Variants in CUX2 observed in about 807,000 individuals in gnomAD.
CUX2 encodes cut like homeobox 2, also known as homeobox protein cut-like 2.
In CUX2, 40 loss-of-function variants were observed where a neutral mutation model predicts 144.8. That is an observed-to-expected ratio of 0.28 (90% CI 0.21 to 0.36). The LOEUF (loss-of-function observed/expected upper bound fraction) is 0.36, where lower values mean the gene tolerates loss of function less well. Ranked by LOEUF, CUX2 falls within the 10% of genes least tolerant of loss-of-function variation. The probability of loss-of-function intolerance (pLI) is 1.00; values close to 1 mark genes in which losing one functional copy is unlikely to be tolerated. For missense variants in CUX2, 1,615 were observed against 1,994.0 expected, an observed-to-expected ratio of 0.81 and a Z score of 3.62; for synonymous variants, 827 against 875.6, an observed-to-expected ratio of 0.94 and a Z score of 0.98.
intron 1 of CUX2, among the ~76,000 whole-genome samples, chr12:111,173,480 C>T (rs73415928): frequency 0.015 from 2,286 of 152,362 alleles, 51 homozygotes; most frequent in African/African-American, 0.051. Context: ...CTTCTAGGCA[C>T]GATGAGGTGC....
Position 111,310,673 on chromosome 12 carries a change from C to A in CUX2, c.1891C>A (p.Arg631=). Residue 631 remains arginine (R), a synonymous_variant, in exon 15 of 22, where the codon CGG becomes AGG. Transcript: ENST00000261726. The surrounding 1 kb of genome is among the most constrained non-coding windows in gnomAD (Gnocchi z 7.9). ...ACTGGCGCTCAGGACCATCCAAGTG[C>A]GGCAGCGAGGTGAGTGCCCAAGAGG... The part of the protein sequence containing the change: ...NVLALRTIQV[R]QRGSITPRIR... 6.3e-7 allele frequency: 1 copy of A among 1,585,448 alleles called. No individual in the cohort carries two copies. The highest frequency in any genetic ancestry group is 1.1e-5 in the South Asian group (1 of 89,100).
intron 4 of CUX2, among the ~76,000 whole-genome samples, chr12:111,290,717 G>A (rs547089548): frequency 6.6e-6 from 1 of 152,216 alleles, no homozygotes; most frequent in African/African-American, 2.4e-5. Flanking sequence ...ATAAGCCACT[G>A]CGCCCAGACT....
Position 111,287,348 on chromosome 12 carries a change from C to T in CUX2, c.302-4070C>T, listed in dbSNP as rs1018113887. Reference sequence around the variant, plus strand: ...AAGCCCTCCGTGGCCCTGCGCAGTCCGCGTGGCACCGCACCGTCTTGTGTT... The same window carrying T: ...AAGCCCTCCGTGGCCCTGCGCAGTCTGCGTGGCACCGCACCGTCTTGTGTT... On this transcript the variant is annotated intron_variant, in intron 4 of 21. Coordinates refer to ENST00000261726, the MANE Select transcript of CUX2 (RefSeq NM_015267.4). This position sits in a 1 kb window ranked among gnomAD's most constrained non-coding sequence, Gnocchi z 4.2. Among the ~76,000 whole-genome samples the T allele has an allele frequency of 4.0e-5, 6 of 150,082 alleles. No individual in the cohort carries two copies. Among genetic ancestry groups the T allele is most frequent in the African/African-American group, 1.4e-4 (6 of 41,444 alleles).
At chr12:111,176,915 A>C (rs1212902219) in intron 1 of CUX2, among the ~76,000 whole-genome samples, 1 of 152,146 alleles carries the variant, frequency 6.6e-6, no homozygotes, top group African/African-American at 2.4e-5. Flanking sequence ...TGGACTGGAA[A>C]ATTTCTCATT....
intron 3 of CUX2, among the ~76,000 whole-genome samples, chr12:111,231,895 CAA>C (rs1882481020): frequency 1.3e-5 from 2 of 151,714 alleles, no homozygotes; most frequent in African/African-American, 4.8e-5. Context: ...ATCATGAAGT[CAA>C]GAGATCATGA....
intron 3 of CUX2, among the ~76,000 whole-genome samples, chr12:111,261,150 C>T (rs767420424): frequency 1.3e-5 from 2 of 152,154 alleles, no homozygotes; most frequent in African/African-American, 4.8e-5. Context: ...ATTTGAATCC[C>T]CAGACCTGGT....
chr12:111,050,141 C>T (rs535175109), intron 1 of CUX2, among the ~76,000 whole-genome samples: 4 of 152,052 alleles, frequency 2.6e-5, no homozygotes, highest in African/African-American at 9.6e-5. Context: ...GTATCTCCCA[C>T]CCACCCTGCC....
In CUX2 at chr12:111,342,700, T is replaced by G. The variant is rs556660518; in HGVS notation, c.3659+647T>G. ...TAGGCCAGGCGCGGTGGCTCACACC[T>G]GTAATCCCAACACTTTGGGAGGCCG... On this transcript the variant is annotated intron_variant, in intron 21 of 21. Coordinates refer to ENST00000261726, the MANE Select transcript of CUX2 (RefSeq NM_015267.4). Among the ~76,000 whole-genome samples the G allele has an allele frequency of 7.9e-5, 12 of 152,212 alleles. No homozygotes were observed. The South Asian group carries it at 2.3e-3, about 29-fold the overall frequency.
intron 1 of CUX2, among the ~76,000 whole-genome samples, chr12:111,079,549 G>C (rs372216545): frequency 6.6e-6 from 1 of 151,996 alleles, no homozygotes; most frequent in Non-Finnish European, 1.5e-5. Flanking sequence ...TGTCTTCCTC[G>C]TTGCTGTTGG....
At chr12:111,157,002 AAAAAAAACAG>A (rs1427270064) in intron 1 of CUX2, among the ~76,000 whole-genome samples, 26 of 150,938 alleles carry the variant, frequency 1.7e-4, no homozygotes, top group Non-Finnish European at 3.2e-4. Flanking sequence ...AAAAAAAAAA[AAAAAAAACAG>A]AAACAGAAAC....
Position 111,190,572 on chromosome 12 carries a change from C to T in CUX2, c.64-23628C>T, listed in dbSNP as rs1043679051. Among the ~76,000 whole-genome samples the T allele has an allele frequency of 1.1e-4, 16 of 152,164 alleles. No individual in the cohort carries two copies. Among genetic ancestry groups the T allele is most frequent in the African/African-American group, 3.9e-4 (16 of 41,422 alleles). ...TTTCCCACCTCTTGATGCTTTTTGA[C>T]TATGAGATGAGTTCATCTTTCCTGG... On this transcript the variant is annotated intron_variant, in intron 1 of 21. Transcript: ENST00000261726. The surrounding 1 kb of genome is among the most constrained non-coding windows in gnomAD (Gnocchi z 4.0).
At position 111,082,176 on chromosome 12, in the gene CUX2, G is replaced by C. The variant is rs1871931102; in HGVS notation, c.63+47936G>C. ...TGGGAAGGTTGGGGATGTCTGTGTGGGGACAGCAGGTGTTTTGAGGCATCT... is the reference window on the plus strand; with the variant it reads ...TGGGAAGGTTGGGGATGTCTGTGTGCGGACAGCAGGTGTTTTGAGGCATCT... On this transcript the variant is annotated intron_variant, in intron 1 of 21. Coordinates refer to ENST00000261726, the MANE Select transcript of CUX2 (RefSeq NM_015267.4). Among the ~76,000 whole-genome samples, 2 of 152,178 alleles carry C rather than the reference G, an allele frequency of 1.3e-5. 1 individual carries two copies. The highest frequency in any genetic ancestry group is 6.3e-3 in the Middle Eastern group (2 of 316).
chr12:111,277,398 T>C lies in CUX2; in HGVS notation c.301+13559T>C, dbSNP rs1410381594. Among the ~76,000 whole-genome samples the C allele has an allele frequency of 6.6e-6, 1 of 152,072 alleles. No individual in the cohort carries two copies. The highest frequency in any genetic ancestry group is 2.4e-5 in the African/African-American group (1 of 41,418). On this transcript the variant is annotated intron_variant, in intron 4 of 21. Coordinates refer to ENST00000261726, the MANE Select transcript of CUX2 (RefSeq NM_015267.4). This position sits in a 1 kb window ranked among gnomAD's most constrained non-coding sequence, Gnocchi z 5.0. Reference sequence around the variant, plus strand: ...AGGACGGTCAGCTGCCATTTCCTTATCTGATGCAAGCCGTTTCTCCTGGTA... The same window carrying C: ...AGGACGGTCAGCTGCCATTTCCTTACCTGATGCAAGCCGTTTCTCCTGGTA...
intron 1 of CUX2, among the ~76,000 whole-genome samples, chr12:111,115,483 C>T (rs1303494348): frequency 6.6e-6 from 1 of 151,940 alleles, no homozygotes; most frequent in Non-Finnish European, 1.5e-5. Context: ...GATGGGGTTT[C>T]ACCATGTTAG....
intron 4 of CUX2, among the ~76,000 whole-genome samples, chr12:111,274,494 C>T (rs932527163): frequency 6.6e-6 from 1 of 152,120 alleles, no homozygotes; most frequent in Non-Finnish European, 1.5e-5. Flanking sequence ...ATTATTATTA[C>T]CATCAGCACC....
intron 15 of CUX2, among the ~76,000 whole-genome samples, chr12:111,311,590 C>CTTTTTTT (rs1391539963): frequency 3.2e-5 from 4 of 124,626 alleles, no homozygotes; most frequent in East Asian, 7.7e-4. Context: ...TACCCTATTT[C>CTTTTTTT]TTTATTATTA....
chr12:111,317,183 A>G (rs1887239429), intron 16 of CUX2, among the ~76,000 whole-genome samples: 1 of 152,220 alleles, frequency 6.6e-6, no homozygotes, highest in South Asian at 2.1e-4. Context: ...ACACAGAGAT[A>G]ATGAAGAAGG....
At position 111,217,881 on chromosome 12, in the gene CUX2, C is replaced by T; in HGVS notation, c.175-9C>T. The T allele has an allele frequency of 2.5e-6, 4 of 1,614,092 alleles. No individual in the cohort carries two copies. Among genetic ancestry groups the T allele is most frequent in the Non-Finnish European group, 3.4e-6 (4 of 1,180,010 alleles). Reference sequence around the variant, plus strand: ...ACTGTAGTGAACTCTTTGCTGATCTCTTTTTCAGGAAATCAGAGAGATGGT... The same window carrying T: ...ACTGTAGTGAACTCTTTGCTGATCTTTTTTTCAGGAAATCAGAGAGATGGT... On this transcript the variant is annotated splice_polypyrimidine_tract_variant and intron_variant, in intron 2 of 21. Coordinates refer to ENST00000261726, the MANE Select transcript of CUX2 (RefSeq NM_015267.4).
At chr12:111,156,325 C>T (rs1027306739) in intron 1 of CUX2, among the ~76,000 whole-genome samples, 1 of 152,182 alleles carries the variant, frequency 6.6e-6, no homozygotes, top group African/African-American at 2.4e-5. Context: ...CATCCCTGTT[C>T]CCCAGGAAAC....
Sources: gnomAD v4.1 joint callset for allele counts (sites outside exome capture counted in the v4.1 genomes callset) on GRCh38, gnomAD v4.1.1 for gene constraint, Gnocchi (gnomAD v3.1) non-coding constraint, MANE v1.5 for transcripts, NCBI Gene and HGNC (gene_info 2026-07-23, HGNC 2026-07-21) for gene names.